Variants in WDR46 observed in about 807,000 individuals in gnomAD.
WDR46 encodes the protein WD repeat domain 46.
In WDR46, 58 loss-of-function variants were observed where a neutral mutation model predicts 74.7. That is an observed-to-expected ratio of 0.78 (90% CI 0.63 to 0.97). The LOEUF is 0.97. Ranked by LOEUF, WDR46 falls within the 50% of genes least tolerant of loss-of-function variation. The pLI, the probability that WDR46 is intolerant of heterozygous loss-of-function variation, is 0.00. For missense variants in WDR46, 702 were observed against 790.1 expected, an observed-to-expected ratio of 0.89 and a Z score of 1.34; for synonymous variants, 278 against 297.3, an observed-to-expected ratio of 0.93 and a Z score of 0.67.
Position 33,280,662 on chromosome 6 carries a change from T to A in WDR46, c.1429+12A>T. 2 of 1,583,536 alleles carry A rather than the reference T, an allele frequency of 1.3e-6. No homozygotes were observed. Among genetic ancestry groups the A allele is most frequent in the Non-Finnish European group, 1.7e-6 (2 of 1,161,712 alleles). On this transcript the variant is annotated intron_variant, in intron 11 of 14. Transcript: ENST00000374617. ...TTCATTCACTTCAAGCCCCATCCCC[T>A]GGCCCACTCACCAGGGACCAGCATG... is the stretch of plus-strand genomic sequence containing the variant.
rs34704405 is a variant in WDR46 at position 33,288,460 on chromosome 6, G to A, written c.371C>T (p.Ser124Phe). ...AAGTCGGCTTCGAGTTTTGGCTTTA[G>A]AATGTGGTAGCTGTAACATTGTTGG... is the stretch of plus-strand genomic sequence containing the variant. The part of the protein sequence containing the change: ...RIDKSRKLPH[S>F]KAKTRSRLEV... Residue 124 changes from serine to phenylalanine, a missense_variant, in exon 4 of 15, where the codon TCT becomes TTT. Ser to Phe is a radical substitution (Grantham distance 155). Transcript: ENST00000374617. The A allele has an allele frequency of 1.2e-6, 2 of 1,614,100 alleles. No homozygotes were observed. Among genetic ancestry groups the A allele is most frequent in the South Asian group, 1.1e-5 (1 of 91,090 alleles).
In WDR46 at chr6:33,280,533, G is replaced by A. The variant is rs780036426; in HGVS notation, c.1430-11C>T. On this transcript the variant is annotated splice_polypyrimidine_tract_variant and intron_variant, in intron 11 of 14. Transcript: ENST00000374617. ...TGGGCTCACCGGCCCCTGAAGGGAG[G>A]GAGGGAGAAGCATGGAGCCATAAGG... 6 of 1,600,200 alleles carry A rather than the reference G, an allele frequency of 3.7e-6. No individual in the cohort carries two copies. The highest frequency in any genetic ancestry group is 2.3e-5 in the East Asian group (1 of 44,374).
Position 33,286,798 on chromosome 6 carries a change from C to G in WDR46, c.1112G>C (p.Gly371Ala), listed in dbSNP as rs376772767. 2.3e-5 allele frequency: 37 copies of G among 1,613,968 alleles called. 2 individuals carry two copies. The South Asian group carries it at 4.1e-4, about 18-fold the overall frequency. ...GVRAVAVDST[G>A]TYMATSGLDH... is the part of the protein sequence containing the mutation. ...CCTCACCCCACCAGTGACTTACGTG[C>G]CTGTAGAATCTACTGCCACAGCCCG... The change falls in exon 10 of 15, where the codon GGC (glycine) becomes GCC (alanine). Residue 371 changes from glycine to alanine, a missense_variant. Coordinates refer to ENST00000374617, the MANE Select transcript of WDR46 (RefSeq NM_005452.6).
chr6:33,281,967 G>T (rs564152336), intron 10 of WDR46, among the ~76,000 whole-genome samples: 12 of 152,298 alleles, frequency 7.9e-5, no homozygotes, highest in Admixed American at 3.9e-4. Flanking sequence ...CCAAGTAGCT[G>T]GGATTACAGG....
intron 13 of WDR46, 59 bp downstream of exon 13, chr6:33,279,705 G>C: frequency 6.2e-7 from 1 of 1,612,366 alleles, no homozygotes; most frequent in East Asian, 2.2e-5. Context: ...GACAAGCCAT[G>C]GTGGGGAGAG....
At chr6:33,281,030 T>C (rs751833835) in intron 10 of WDR46, 43 bp from the exon 11 acceptor site, 1 of 1,539,990 alleles carries the variant, frequency 6.5e-7, no homozygotes, top group Non-Finnish European at 8.8e-7. Flanking sequence ...AGTAAATGGG[T>C]TTACCAAGCA....
intron 10 of WDR46, 79 bp downstream of exon 10, chr6:33,286,716 T>C (rs903593165): frequency 1.4e-6 from 2 of 1,380,294 alleles, no homozygotes; most frequent in Admixed American, 3.8e-5. Context: ...CTTTAGACTC[T>C]GTGCTCCTAA....
intron 10 of WDR46, among the ~76,000 whole-genome samples, chr6:33,283,251 T>TG (rs375736399): frequency 4.9e-4 from 72 of 148,274 alleles, no homozygotes; most frequent in East Asian, 1.2e-3. Flanking sequence ...GAGCGGGTGG[T>TG]GGGGGGGGTG....
intron 10 of WDR46, among the ~76,000 whole-genome samples, chr6:33,283,359 G>A (rs892772211): frequency 1.3e-5 from 2 of 152,152 alleles, no homozygotes; most frequent in African/African-American, 4.8e-5. Context: ...GGGAGGTTGA[G>A]GTAGGAGGAC....
At chr6:33,288,746 C>T in intron 2 of WDR46, 52 bp from the exon 3 acceptor site, 2 of 1,613,246 alleles carry the variant, frequency 1.2e-6, no homozygotes, top group East Asian at 2.2e-5. Flanking sequence ...GACCCCAACC[C>T]TCTCACTCTC....
intron 10 of WDR46, among the ~76,000 whole-genome samples, chr6:33,281,558 T>C (rs1766186187): frequency 6.6e-6 from 1 of 152,152 alleles, no homozygotes; most frequent in African/African-American, 2.4e-5. Context: ...GGAAACATGG[T>C]CAGGAAAATC....
At chr6:33,285,879 G>A (rs1242438799) in intron 10 of WDR46, among the ~76,000 whole-genome samples, 7 of 146,382 alleles carry the variant, frequency 4.8e-5, no homozygotes, top group East Asian at 2.3e-4. Flanking sequence ...AGTGGCTCAC[G>A]CCTGTAATCC....
At chr6:33,286,942 G>A in intron 9 of WDR46, 48 bp from the exon 10 acceptor site, 1 of 1,603,070 alleles carries the variant, frequency 6.2e-7, no homozygotes, top group Non-Finnish European at 8.5e-7. Context: ...CTAAGCCTGA[G>A]GTTACTAAAC....
chr6:33,287,982 GT>G lies in WDR46; in HGVS notation c.605del (p.Asn202ThrfsTer24). On this transcript the variant is annotated frameshift_variant, in exon 6 of 15. Coordinates refer to ENST00000374617, the MANE Select transcript of WDR46 (RefSeq NM_005452.6). LOFTEE classifies it high-confidence loss of function. ...NLRQFGPYRL[N>X]YSRTGRHLAF... is the part of the protein sequence containing the mutation. ...AACCTTACCTTCCAGTTCGAGAGTA[GT>G]TTAGTCTGTAGGGTCCAAACTGCCG... 1 of 1,614,172 alleles carries G rather than the reference GT, an allele frequency of 6.2e-7. No individual in the cohort carries two copies. The highest frequency in any genetic ancestry group is 8.5e-7 in the Non-Finnish European group (1 of 1,180,028).
At chr6:33,288,098 G>A in intron 5 of WDR46, 50 bp downstream of exon 5, 1 of 1,613,802 alleles carries the variant, frequency 6.2e-7, no homozygotes, top group Non-Finnish European at 8.5e-7. Context: ...TTCCTCTATT[G>A]TCCTGCACCA....
chr6:33,288,332 G>A (rs1766891077), intron 4 of WDR46, 26 bp downstream of exon 4: 2 of 1,613,546 alleles, frequency 1.2e-6, no homozygotes, highest in Non-Finnish European at 1.7e-6. Flanking sequence ...GGCAGGGAAT[G>A]GGGGTCCAGA....
Position 33,279,328 on chromosome 6 carries a change from T to C in WDR46, c.1781A>G (p.Lys594Arg). ...SLQQQHHKEA[K>R]AKPTGARPSA... ...TGGCCGGGCCCCCGTGGGCTTGGCC[T>C]TCGCCTCCTTATGATGCTGCTGCTG... The change falls in exon 15 of 15, where the codon AAG becomes AGG. Residue 594 changes from lysine (K) to arginine (R), a missense_variant. Physicochemically the swap from Lys to Arg is conservative, Grantham distance 26. Transcript: ENST00000374617. 3 of 1,614,228 alleles carry C rather than the reference T, an allele frequency of 1.9e-6. No individual in the cohort carries two copies. The highest frequency in any genetic ancestry group is 2.5e-6 in the Non-Finnish European group (3 of 1,180,050).
chr6:33,287,750 A>T, intron 6 of WDR46, 32 bp from the exon 7 acceptor site: 1 of 1,610,484 alleles, frequency 6.2e-7, no homozygotes, highest in Non-Finnish European at 8.5e-7. Context: ...CAGGGTGTTA[A>T]GGCAGGGGAC....
intron 10 of WDR46, among the ~76,000 whole-genome samples, chr6:33,285,973 T>C (rs1219259236): frequency 1.4e-5 from 2 of 147,836 alleles, no homozygotes; most frequent in African/African-American, 5.0e-5. Flanking sequence ...AAACCCCGTC[T>C]CTACAAAAAA....
Sources: gnomAD v4.1 joint callset for allele counts (sites outside exome capture counted in the v4.1 genomes callset) on GRCh38, gnomAD v4.1.1 for gene constraint, MANE v1.5 for transcripts, NCBI Gene and HGNC (gene_info 2026-07-23, HGNC 2026-07-21) for gene names.